Variants in OC90 observed in about 807,000 individuals in gnomAD.
OC90 encodes otoconin 90, also known as otoconin-90.
In OC90, 46 loss-of-function variants were observed where a neutral mutation model predicts 47.3. The ratio of observed to expected loss-of-function variants is 0.97; its 90% CI spans 0.77 to 1.24. The LOEUF (loss-of-function observed/expected upper bound fraction) is 1.24. OC90 is among the 50% of genes most tolerant of loss of function. OC90 has a pLI of 0.00. For synonymous variants in OC90, 271 were observed against 219.5 expected (o/e 1.23, Z -2.07); for missense variants, 688 against 583.9 (o/e 1.18, Z -1.84).
chr8:132,051,584 G>A (rs1823212635), intron 2 of OC90, among the ~76,000 whole-genome samples: 1 of 152,168 alleles, frequency 6.6e-6, no homozygotes, highest in Admixed American at 6.5e-5. Context: ...CTGTAGAATG[G>A]GGCTATTTGT....
intron 5 of OC90, 32 bp from the exon 6 acceptor site, chr8:132,041,188 A>G (rs759931147): frequency 7.2e-7 from 1 of 1,395,688 alleles, no homozygotes; most frequent in South Asian, 1.2e-5. Context: ...GCAGGGTGAG[A>G]GTGTGGGTTA....
intron 2 of OC90, among the ~76,000 whole-genome samples, chr8:132,053,367 C>T (rs1012091984): frequency 1.3e-5 from 2 of 152,176 alleles, no homozygotes; most frequent in East Asian, 3.9e-4. Context: ...ACATATATAA[C>T]AGAAACCACA....
intron 9 of OC90, chr8:132,036,539 C>A: frequency 1.4e-6 from 1 of 716,224 alleles, no homozygotes; most frequent in Non-Finnish European, 2.6e-6. Flanking sequence ...CCGATCAGGG[C>A]ATATGGCTGC....
intron 8 of OC90, 30 bp from the exon 9 acceptor site, chr8:132,037,518 AC>A: frequency 1.3e-6 from 2 of 1,555,542 alleles, no homozygotes; most frequent in African/African-American, 2.7e-5. Context: ...AATAGCAGTG[AC>A]TCATGCAACA....
chr8:132,029,410 A>G (rs1163481218), intron 12 of OC90, among the ~76,000 whole-genome samples: 1 of 152,244 alleles, frequency 6.6e-6, no homozygotes, highest in Non-Finnish European at 1.5e-5. Context: ...TATTGTATGC[A>G]TCTTATTATT....
In OC90 at chr8:132,041,796, C is replaced by T. The variant is rs545628689; in HGVS notation, c.170-97G>A. The T allele has an allele frequency of 5.5e-4, 354 of 649,170 alleles. 1 individual carries two copies. Among genetic ancestry groups the T allele is most frequent in the Middle Eastern group, 1.5e-3 (4 of 2,642 alleles). The allele number at this position is 649,170 out of a possible 1,614,324, so 40.2% of individuals were successfully genotyped here. On this transcript the variant is annotated intron_variant, in intron 4 of 13. Transcript: ENST00000254627. ...CTTCCTATACCTCAGGCTGATGGTG[C>T]CTTATCAACCTAGTAAGCACCTACT... is the stretch of plus-strand genomic sequence containing the variant.
chr8:132,024,542 G>T lies in OC90; in HGVS notation c.1373C>A (p.Ala458Asp), dbSNP rs980348390. The part of the protein sequence containing the change: ...EDPPQEDLGR[A>D]KRFLRKSLGP... ...CAGTGACTTCCGCAGAAACCTCTTG[G>T]CTCTGCCGAGGTCCTCCTGTGGAGG... The change falls in exon 14 of 14, where the codon GCC becomes GAC. Residue 458 changes from alanine (A) to aspartate (D), a missense_variant. Ala to Asp is a moderately radical substitution (Grantham distance 126). Transcript: ENST00000254627. 1.2e-6 allele frequency: 2 copies of T among 1,606,790 alleles called. No homozygotes were observed. The highest frequency in any genetic ancestry group is 3.4e-5 in the Admixed American group (2 of 59,460).
At chr8:132,039,248 T>C (rs1180391726) in intron 6 of OC90, 125 bp from the exon 7 acceptor site, 2 of 1,004,182 alleles carry the variant, frequency 2.0e-6, no homozygotes, top group East Asian at 2.6e-5. Context: ...GCAATCTCCA[T>C]CTCATTCATG....
At position 132,049,806 on chromosome 8, in the gene OC90, C is replaced by G. The variant is rs543441691; in HGVS notation, c.47-3923G>C. ...GCCAAACCACTTAATGAACAATTAC[C>G]TGTTGCCATGGCCACGTGACATGGC... On this transcript the variant is annotated intron_variant, in intron 2 of 13. Transcript: ENST00000254627. The G allele has an allele frequency of 1.4e-5, 7 of 517,068 alleles. No individual in the cohort carries two copies. The Admixed American group carries it at 1.4e-4, about 10-fold the overall frequency. The allele number at this position is 517,068 out of a possible 1,614,324, so 32.0% of individuals were successfully genotyped here. A position where few individuals can be genotyped will look rare whatever the true frequency, so the allele number is the denominator to read the frequency against.
At chr8:132,047,018 T>A (rs988113234) in intron 2 of OC90, among the ~76,000 whole-genome samples, 2 of 152,224 alleles carry the variant, frequency 1.3e-5, no homozygotes, top group African/African-American at 4.8e-5. Flanking sequence ...TGTTGTATAT[T>A]TAGCAAGATC....
chr8:132,054,999 G>GCA lies in OC90; in HGVS notation c.26_27dup (p.Leu10CysfsTer2). On this transcript the variant is annotated frameshift_variant, in exon 2 of 14. Coordinates refer to ENST00000254627, the MANE Select transcript of OC90 (RefSeq NM_001080399.3). LOFTEE classifies it high-confidence loss of function. The stretch of plus-strand genomic sequence containing the variant: ...TACTCACCGGCATGGGGGATCATCA[G>GCA]CACACTGGTGAGGAGAAACGCAATC... The GCA allele has an allele frequency of 6.4e-7, 1 of 1,550,810 alleles. No individual in the cohort carries two copies. Among genetic ancestry groups the GCA allele is most frequent in the Middle Eastern group, 1.7e-4 (1 of 5,994 alleles).
intron 2 of OC90, among the ~76,000 whole-genome samples, chr8:132,047,410 G>A (rs567198425): frequency 1.3e-5 from 2 of 152,054 alleles, no homozygotes; most frequent in East Asian, 1.9e-4. Context: ...GTCTAAATTT[G>A]TATGCACATA....
chr8:132,033,076 T>G lies in OC90; in HGVS notation c.822A>C (p.Ser274=). The change falls in exon 11 of 14, where the codon TCA becomes TCC. Residue 274 remains serine (S), a synonymous_variant. Transcript: ENST00000254627. ...AGIKSLGLAV[S]SVENDPEETT... is the part of the protein sequence containing the mutation. ...TCTCCTCAGGATCATTTTCAACAGATGACACTGCCAGCCCCAGAGATTTAA... is the reference window on the plus strand; with the variant it reads ...TCTCCTCAGGATCATTTTCAACAGAGGACACTGCCAGCCCCAGAGATTTAA... The G allele has an allele frequency of 6.2e-7, 1 of 1,610,622 alleles. No individual in the cohort carries two copies. Among genetic ancestry groups the G allele is most frequent in the Non-Finnish European group, 8.5e-7 (1 of 1,178,566 alleles).
At chr8:132,048,534 G>A (rs1563733911) in intron 2 of OC90, among the ~76,000 whole-genome samples, 1 of 151,250 alleles carries the variant, frequency 6.6e-6, no homozygotes, top group African/African-American at 2.5e-5. Context: ...TTTCCTGACT[G>A]AAAAACCCTT....
At chr8:132,033,753 G>A (rs1822911587) in intron 10 of OC90, among the ~76,000 whole-genome samples, 1 of 152,124 alleles carries the variant, frequency 6.6e-6, no homozygotes, top group South Asian at 2.1e-4. Context: ...TTGCTCTGAT[G>A]TGTCAGTCTC....
chr8:132,052,760 T>A lies in OC90; in HGVS notation c.46+2221A>T, dbSNP rs182601709. 5.9e-5 allele frequency among the ~76,000 whole-genome samples: 9 copies of A among 152,326 alleles called. No homozygotes were observed. The East Asian group carries it at 1.4e-3, about 23-fold the overall frequency. On this transcript the variant is annotated intron_variant, in intron 2 of 13. Transcript: ENST00000254627. ...TAAGCTTGTTACACACAGAAGGTGA[T>A]GAGCACCTGTCCTGTTCCAGGAGCA... is the stretch of plus-strand genomic sequence containing the variant.
intron 2 of OC90, among the ~76,000 whole-genome samples, chr8:132,050,865 T>C (rs1382504656): frequency 1.3e-5 from 2 of 151,942 alleles, no homozygotes; most frequent in African/African-American, 4.8e-5. Context: ...CTGGGAGTGG[T>C]GGCATGTAAT....
At chr8:132,054,619 C>T (rs767147689) in intron 2 of OC90, among the ~76,000 whole-genome samples, 1 of 152,202 alleles carries the variant, frequency 6.6e-6, no homozygotes, top group Non-Finnish European at 1.5e-5. Context: ...GTTCAATTCA[C>T]ATGTAAATGG....
intron 2 of OC90, chr8:132,049,785 A>C (rs374588848): frequency 3.3e-5 from 17 of 509,614 alleles, no homozygotes; most frequent in African/African-American, 2.5e-4. Context: ...GCTCAAGCCA[A>C]ACCACTTAAT....
Sources: gnomAD v4.1 joint callset for allele counts (sites outside exome capture counted in the v4.1 genomes callset) on GRCh38, gnomAD v4.1.1 for gene constraint, MANE v1.5 for transcripts, NCBI Gene and HGNC (gene_info 2026-07-23, HGNC 2026-07-21) for gene names.